RELN: variants seen among roughly 807,000 people sequenced by gnomAD.
The protein encoded by RELN is reelin.
Under a neutral mutation model 427.6 loss-of-function variants are expected in RELN, and 108 were observed. The ratio of observed to expected loss-of-function variants is 0.25; its 90% CI spans 0.22 to 0.30. The LOEUF (loss-of-function observed/expected upper bound fraction) is 0.30. RELN is among the 10% of genes least tolerant of loss of function. The probability of loss-of-function intolerance (pLI) is 1.00; values close to 1 mark genes in which losing one functional copy is unlikely to be tolerated. For synonymous variants in RELN, 1,524 were observed against 1,513.4 expected (o/e 1.01, Z -0.16); for missense variants, 3,715 against 4,302.8 (o/e 0.86, Z 3.82).
intron 42 of RELN, among the ~76,000 whole-genome samples, chr7:103,543,898 T>C (rs1303891836): frequency 6.6e-6 from 1 of 152,184 alleles, no homozygotes; most frequent in Non-Finnish European, 1.5e-5. Context: ...GGAAACCCTG[T>C]GCCTGTTAAA....
intron 4 of RELN, among the ~76,000 whole-genome samples, chr7:103,757,243 G>T (rs2116109362): frequency 6.6e-6 from 1 of 152,206 alleles, no homozygotes; most frequent in East Asian, 1.9e-4. Context: ...ATGCATGCTT[G>T]CTAGACTGGT....
At chr7:103,653,382 T>C (rs759582642) in intron 13 of RELN, among the ~76,000 whole-genome samples, 2 of 152,048 alleles carry the variant, frequency 1.3e-5, no homozygotes, top group South Asian at 4.1e-4. Context: ...TTGTTTCCCA[T>C]TCTAACCTTG....
chr7:103,500,920 G>A lies in RELN; in HGVS notation c.8492C>T (p.Pro2831Leu), dbSNP rs147760518. 2.6e-5 allele frequency: 42 copies of A among 1,613,882 alleles called. No homozygotes were observed. The highest frequency in any genetic ancestry group is 3.3e-5 in the South Asian group (3 of 91,066). The change falls in exon 53 of 65, where the codon CCG becomes CTG. Residue 2831 changes from proline to leucine, a missense_variant and splice_region_variant. Around this residue, in one of 4 missense-constraint regions of RELN, gnomAD observed 1,310 missense variants for 1,643.0 expected, o/e 0.80. Coordinates refer to ENST00000428762, the MANE Select transcript of RELN (RefSeq NM_005045.4). ...YPLPESLVGN[P>L]VRFRFYQKYS... Reference sequence around the variant, plus strand: ...CTTCTGATAGAACCTAAACCTTACCGGACTATTGACAATGCAAAAGCAAAG... The same window carrying A: ...CTTCTGATAGAACCTAAACCTTACCAGACTATTGACAATGCAAAAGCAAAG...
At chr7:103,726,939 T>G (rs1367365403) in intron 7 of RELN, among the ~76,000 whole-genome samples, 1 of 152,188 alleles carries the variant, frequency 6.6e-6, no homozygotes, top group African/African-American at 2.4e-5. Flanking sequence ...TTGCATCCAA[T>G]TAATTCTGTT....
intron 4 of RELN, among the ~76,000 whole-genome samples, chr7:103,771,767 G>C (rs1329267969): frequency 7.1e-6 from 1 of 140,536 alleles, no homozygotes; most frequent in Non-Finnish European, 1.5e-5. Context: ...TTCTGGCCAA[G>C]ATCTAATCAC....
At chr7:103,491,715 C>G (rs1042510081) in intron 58 of RELN, among the ~76,000 whole-genome samples, 30 of 151,970 alleles carry the variant, frequency 2.0e-4, no homozygotes, top group African/African-American at 6.8e-4. Context: ...TGTAATCCCA[C>G]CTACTCAGGA....
chr7:103,477,062 T>C (rs183207112), intron 64 of RELN, among the ~76,000 whole-genome samples: 35 of 152,348 alleles, frequency 2.3e-4, no homozygotes, highest in Admixed American at 1.6e-3. Flanking sequence ...TATGAGTAAG[T>C]AATTGAAAGA....
At position 103,556,511 on chromosome 7, in the gene RELN, C is replaced by A. The variant is rs536151768; in HGVS notation, c.5797+466G>T. On this transcript the variant is annotated intron_variant, in intron 38 of 64. Transcript: ENST00000428762. ...TTTGGCTCTGTGTCCCCACCCAAAT[C>A]TCATCTTGAATTGTACTCCCATAAT... Among the ~76,000 whole-genome samples, 106 of 152,184 alleles carry A rather than the reference C, an allele frequency of 7.0e-4. 2 individuals are homozygous for A. Among genetic ancestry groups the A allele is most frequent in the African/African-American group, 2.4e-3 (101 of 41,510 alleles).
intron 42 of RELN, among the ~76,000 whole-genome samples, chr7:103,543,798 A>C (rs796414595): frequency 6.6e-6 from 1 of 152,238 alleles, no homozygotes; most frequent in African/African-American, 2.4e-5. Flanking sequence ...AACCACGTCA[A>C]AGTAAACAAT....
intron 19 of RELN, among the ~76,000 whole-genome samples, chr7:103,632,730 G>T (rs964596954): frequency 1.3e-5 from 2 of 151,950 alleles, no homozygotes; most frequent in Admixed American, 1.3e-4. Flanking sequence ...TTTTTTAAAT[G>T]TTTTATAGTA....
Position 103,917,089 on chromosome 7 carries a change from C to T in RELN, c.323G>A (p.Ser108Asn), listed in dbSNP as rs1212195380. 1.2e-6 allele frequency: 2 copies of T among 1,612,960 alleles called. No individual in the cohort carries two copies. Among genetic ancestry groups the T allele is most frequent in the East Asian group, 2.2e-5 (1 of 44,858 alleles). Reference protein sequence around the residue: ...VQASQSIGGSSAFGFGIMSDH... With the variant: ...VQASQSIGGSNAFGFGIMSDH... ...GAATAGCTTACCAAATCCGAAAGCACTGGAACCTCCAATGCTCTGTGATGC... is the reference window on the plus strand; with the variant it reads ...GAATAGCTTACCAAATCCGAAAGCATTGGAACCTCCAATGCTCTGTGATGC... Residue 108 changes from serine to asparagine, a missense_variant, in exon 2 of 65, where the codon AGT becomes AAT. Ser to Asn is a conservative substitution (Grantham distance 46). Around this residue, in one of 4 missense-constraint regions of RELN, gnomAD observed 2,208 missense variants for 2,361.7 expected, o/e 0.93. Transcript: ENST00000428762.
At chr7:103,742,077 G>C (rs1790678355) in intron 6 of RELN, among the ~76,000 whole-genome samples, 1 of 152,138 alleles carries the variant, frequency 6.6e-6, no homozygotes, top group Non-Finnish European at 1.5e-5. Context: ...ACTTCCACAG[G>C]AACGATCAGG....
chr7:103,639,620 G>C (rs891661082), intron 17 of RELN, among the ~76,000 whole-genome samples: 1 of 151,870 alleles, frequency 6.6e-6, no homozygotes, highest in African/African-American at 2.4e-5. Context: ...GGCTGGTCTC[G>C]AACTCCTGAC....
At chr7:103,880,092 AG>A (rs1205140741) in intron 2 of RELN, among the ~76,000 whole-genome samples, 1 of 152,050 alleles carries the variant, frequency 6.6e-6, no homozygotes, top group Non-Finnish European at 1.5e-5. Flanking sequence ...TCTGCCCAAC[AG>A]TAGCCAAGGC....
At chr7:103,478,258 T>C in intron 64 of RELN, 131 bp downstream of exon 64, 1 of 618,988 alleles carries the variant, frequency 1.6e-6, no homozygotes, top group Middle Eastern at 3.2e-4. Context: ...CCAGTATCAT[T>C]TATTACTGTT....
intron 51 of RELN, among the ~76,000 whole-genome samples, chr7:103,505,156 C>A (rs62480416): frequency 4.3e-4 from 66 of 152,310 alleles, no homozygotes; most frequent in African/African-American, 1.4e-3. Flanking sequence ...CAGACTTAAA[C>A]GTCCCTGCTT....
chr7:103,755,607 C>CA (rs1162038018), intron 4 of RELN, among the ~76,000 whole-genome samples: 749 of 53,830 alleles, frequency 0.014, 11 homozygotes, highest in African/African-American at 0.027. Flanking sequence ...GACTCTGTCT[C>CA]AAAAAAAAAA....
intron 1 of RELN, among the ~76,000 whole-genome samples, chr7:103,970,721 T>C (rs1052826791): frequency 1.3e-5 from 2 of 152,222 alleles, no homozygotes; most frequent in African/African-American, 4.8e-5. Context: ...CAAAGTTATG[T>C]ATTGATGCTT....
At chr7:103,477,443 T>C (rs1469285804) in intron 64 of RELN, among the ~76,000 whole-genome samples, 1 of 152,236 alleles carries the variant, frequency 6.6e-6, no homozygotes, top group East Asian at 1.9e-4. Flanking sequence ...ATGATTTATA[T>C]GAATGCAGAC....
Sources: allele counts gnomAD v4.1 joint callset (sites outside exome capture counted in the v4.1 genomes callset), GRCh38; gene constraint gnomAD v4.1.1; regional missense constraint gnomAD v4.1.1; transcripts MANE v1.5; gene names NCBI Gene and HGNC (gene_info 2026-07-23, HGNC 2026-07-21).